ATG7: variants seen among roughly 807,000 people sequenced by gnomAD.
The protein encoded by ATG7 is autophagy related 7.
In ATG7, 70 loss-of-function variants were observed where a neutral mutation model predicts 82.4. The ratio of observed to expected loss-of-function variants is 0.85; its 90% confidence interval spans 0.70 to 1.04. The LOEUF is 1.04. Among genes scored for constraint, ATG7 ranks in the 50% least tolerant of loss-of-function variants. ATG7 has a pLI of 0.00. For missense variants in ATG7, 792 were observed against 864.3 expected (o/e 0.92, Z 1.05); for synonymous variants, 287 against 313.0 (o/e 0.92, Z 0.88).
chr3:11,437,690 T>C (rs966634636), intron 20 of ATG7, among the ~76,000 whole-genome samples: 2 of 152,182 alleles, frequency 1.3e-5, no homozygotes, highest in Non-Finnish European at 2.9e-5. Context: ...TTGCCACATG[T>C]GGTTTATCTC....
intron 19 of ATG7, among the ~76,000 whole-genome samples, chr3:11,391,226 A>ATG (rs1380248564): frequency 7.2e-5 from 11 of 152,190 alleles, no homozygotes; most frequent in African/African-American, 2.4e-4. Flanking sequence ...GCAAATACTA[A>ATG]TGTGCAAGTT....
chr3:11,457,679 CAG>C (rs2085875190), intron 20 of ATG7, among the ~76,000 whole-genome samples: 1 of 152,100 alleles, frequency 6.6e-6, no homozygotes, highest in African/African-American at 2.4e-5. Context: ...TAAGGGGTGA[CAG>C]ATCAATTTCA....
In ATG7 at chr3:11,363,939, C is replaced by T. The variant is rs556015717; in HGVS notation, c.1800-720C>T. Among the ~76,000 whole-genome samples, 20 of 152,278 alleles carry T rather than the reference C, an allele frequency of 1.3e-4. No individual in the cohort carries two copies. In the South Asian group the frequency reaches 3.5e-3, roughly 27 times the overall value. On this transcript the variant is annotated intron_variant, in intron 17 of 20. Coordinates refer to ENST00000693202, the MANE Select transcript of ATG7 (RefSeq NM_001349232.2). The stretch of plus-strand genomic sequence containing the variant: ...GGGGCTTTTTTGTCTTCCTCTTTGT[C>T]ATCCACCTTAGCTATCTGTCATTTA...
chr3:11,387,807 A>G (rs2078435205), intron 19 of ATG7, among the ~76,000 whole-genome samples: 1 of 151,992 alleles, frequency 6.6e-6, no homozygotes, highest in Non-Finnish European at 1.5e-5. Flanking sequence ...TGTCTCTACT[A>G]AAAAGGCAAA....
At chr3:11,547,821 G>A (rs1481189179) in intron 20 of ATG7, among the ~76,000 whole-genome samples, 1 of 152,130 alleles carries the variant, frequency 6.6e-6, no homozygotes, top group Non-Finnish European at 1.5e-5. Flanking sequence ...TCTTTTTCTG[G>A]AGAAATGTCT....
chr3:11,317,475 C>T (rs2606754), intron 9 of ATG7, among the ~76,000 whole-genome samples: 152,305 of 152,344 alleles, frequency 1, 76,134 homozygotes, highest in Middle Eastern at 1. Context: ...GTGAAACAAG[C>T]GTTAGTTACT....
At chr3:11,441,009 G>C (rs1260401535) in intron 20 of ATG7, among the ~76,000 whole-genome samples, 1 of 151,950 alleles carries the variant, frequency 6.6e-6, no homozygotes, top group Admixed American at 6.6e-5. Context: ...CAGCTATCTG[G>C]TGAAAAAAAT....
At chr3:11,383,143 C>G (rs779426275) in intron 19 of ATG7, among the ~76,000 whole-genome samples, 1 of 152,176 alleles carries the variant, frequency 6.6e-6, no homozygotes, top group East Asian at 1.9e-4. Flanking sequence ...GTTGTTTATA[C>G]CAGTTAATGT....
intron 19 of ATG7, among the ~76,000 whole-genome samples, chr3:11,399,387 T>C (rs2079598332): frequency 6.6e-6 from 1 of 151,960 alleles, no homozygotes; most frequent in Admixed American, 6.6e-5. Flanking sequence ...AAAGAATAAA[T>C]TTATAGTTCA....
In ATG7 at chr3:11,554,911, G is replaced by A. The variant is rs144186331; in HGVS notation, c.*68G>A. ...GAGGAGCTCTCCATCGCCAGAGCAG[G>A]ACTGCTGACCCCAGGCCTGGTGATT... On this transcript the variant is annotated 3_prime_UTR_variant, in exon 21 of 21. Transcript: ENST00000693202. 2.5e-5 allele frequency: 40 copies of A among 1,575,432 alleles called. No homozygotes were observed. In the African/African-American group the frequency reaches 5.0e-4, roughly 20 times the overall value.
At chr3:11,548,375 C>T (rs1410190601) in intron 20 of ATG7, among the ~76,000 whole-genome samples, 1 of 152,086 alleles carries the variant, frequency 6.6e-6, no homozygotes, top group Admixed American at 6.5e-5. Flanking sequence ...CTTGGAAGCA[C>T]AAAAATTTTA....
At chr3:11,282,629 T>G (rs1943255265) in intron 3 of ATG7, among the ~76,000 whole-genome samples, 191 bp downstream of exon 3, 1 of 152,190 alleles carries the variant, frequency 6.6e-6, no homozygotes, top group South Asian at 2.1e-4. Flanking sequence ...GAAGTGAGGT[T>G]TCTGTACCCA....
chr3:11,501,984 CT>C (rs2091362477), intron 20 of ATG7, among the ~76,000 whole-genome samples: 1 of 152,128 alleles, frequency 6.6e-6, no homozygotes, highest in African/African-American at 2.4e-5. Context: ...CCTGGGTTTA[CT>C]TTTGATCCCT....
intron 20 of ATG7, among the ~76,000 whole-genome samples, chr3:11,434,764 C>T (rs1398876652): frequency 3.3e-5 from 5 of 152,064 alleles, no homozygotes; most frequent in Admixed American, 6.6e-5. Flanking sequence ...AAAAGAGTCT[C>T]GGATGGTATA....
At chr3:11,276,480 C>T (rs911936826) in intron 1 of ATG7, among the ~76,000 whole-genome samples, 2 of 152,194 alleles carry the variant, frequency 1.3e-5, no homozygotes, top group African/African-American at 4.8e-5. Flanking sequence ...TGCACCCTGT[C>T]ACACCTCTTT....
chr3:11,519,024 A>G (rs1269430489), intron 20 of ATG7, among the ~76,000 whole-genome samples: 1 of 152,092 alleles, frequency 6.6e-6, no homozygotes, highest in Non-Finnish European at 1.5e-5. Flanking sequence ...GTCCAGTGCT[A>G]TTTTTCATTG....
chr3:11,309,484 A>G (rs1041272993), intron 7 of ATG7, among the ~76,000 whole-genome samples: 11 of 151,828 alleles, frequency 7.2e-5, no homozygotes, highest in African/African-American at 2.7e-4. Flanking sequence ...AGACAGAAAC[A>G]TGTTTTCTGT....
At chr3:11,448,124 CA>C (rs1431580804) in intron 20 of ATG7, among the ~76,000 whole-genome samples, 1 of 152,202 alleles carries the variant, frequency 6.6e-6, no homozygotes, top group Non-Finnish European at 1.5e-5. Flanking sequence ...CCCATCTTCT[CA>C]CCTAACCACA....
intron 8 of ATG7, 23 bp from the exon 9 acceptor site, chr3:11,315,320 TA>T: frequency 1.3e-6 from 2 of 1,528,272 alleles, no homozygotes; most frequent in Non-Finnish European, 1.8e-6. Context: ...TTCTAGAGAA[TA>T]ACAACGTGTT....
Sources: gnomAD v4.1 joint callset for allele counts (sites outside exome capture counted in the v4.1 genomes callset) on GRCh38, gnomAD v4.1.1 for gene constraint, MANE v1.5 for transcripts, NCBI Gene and HGNC (gene_info 2026-07-23, HGNC 2026-07-21) for gene names.